Variants in ADGRB3 observed in about 807,000 individuals in gnomAD.
ADGRB3 encodes adhesion G protein-coupled receptor B3, also known as brain-specific angiogenesis inhibitor 3.
Under a neutral mutation model 193.4 loss-of-function variants are expected in ADGRB3, and 37 were observed. The ratio of observed to expected loss-of-function variants is 0.19; its 90% CI spans 0.15 to 0.25. ADGRB3 has a LOEUF of 0.25. Ranked by LOEUF, ADGRB3 falls within the 10% of genes least tolerant of loss-of-function variation. The pLI is 1.00. For missense variants in ADGRB3, 1,637 were observed against 1,852.9 expected (o/e 0.88, Z 2.14); for synonymous variants, 690 against 644.2 (o/e 1.07, Z -1.08).
chr6:68,861,273 T>A (rs1765143937), intron 3 of ADGRB3, among the ~76,000 whole-genome samples: 1 of 152,176 alleles, frequency 6.6e-6, no homozygotes, highest in African/African-American at 2.4e-5. Context: ...ATTTACCATC[T>A]GTCTAATTAA....
Position 69,355,845 on chromosome 6 carries a change from A to G in ADGRB3, c.3580A>G (p.Ile1194Val), listed in dbSNP as rs1398565017. 6.2e-7 allele frequency: 1 copy of G among 1,607,884 alleles called. No individual in the cohort carries two copies. The highest frequency in any genetic ancestry group is 8.5e-7 in the Non-Finnish European group (1 of 1,174,894). The change falls in exon 28 of 32, where the codon ATT becomes GTT. Residue 1194 changes from isoleucine to valine, a missense_variant. By Grantham distance (29) the Ile-to-Val change is conservative (BLOSUM62 3). Coordinates refer to ENST00000370598, the MANE Select transcript of ADGRB3 (RefSeq NM_001704.3). ...GACAGACTTTGAAAAGGATGTAGAC[A>G]TTGCCTGTCGATCAGGTAAGAATAT... ...IMTDFEKDVD[I>V]ACRSVLHKDI...
intron 6 of ADGRB3, among the ~76,000 whole-genome samples, chr6:68,951,011 C>A (rs1767902189): frequency 6.6e-6 from 1 of 152,178 alleles, no homozygotes; most frequent in African/African-American, 2.4e-5. Flanking sequence ...CTGAACCCAT[C>A]TCTTTCCACC....
chr6:69,337,011 G>A (rs1482824685), intron 24 of ADGRB3, among the ~76,000 whole-genome samples: 1 of 152,126 alleles, frequency 6.6e-6, no homozygotes, highest in Non-Finnish European at 1.5e-5. Context: ...AGGTCTTCTA[G>A]TTAGACTCAA....
At chr6:68,647,128 C>A (rs1768234709) in intron 3 of ADGRB3, among the ~76,000 whole-genome samples, 1 of 152,070 alleles carries the variant, frequency 6.6e-6, no homozygotes, top group African/African-American at 2.4e-5. Context: ...AGAATGAGAC[C>A]TGCATACATT....
At chr6:69,172,843 G>C (rs1292603545) in intron 17 of ADGRB3, among the ~76,000 whole-genome samples, 1 of 151,846 alleles carries the variant, frequency 6.6e-6, no homozygotes, top group Non-Finnish European at 1.5e-5. Flanking sequence ...AGGAAGATTT[G>C]ATCCAGGCAC....
At chr6:69,344,388 C>T (rs953586613) in intron 26 of ADGRB3, among the ~76,000 whole-genome samples, 4 of 152,160 alleles carry the variant, frequency 2.6e-5, no homozygotes, top group African/African-American at 9.7e-5. Context: ...TCTTCCCTCT[C>T]CCACTCGCAC....
intron 3 of ADGRB3, among the ~76,000 whole-genome samples, chr6:68,871,916 T>C (rs1765470792): frequency 6.6e-6 from 1 of 152,138 alleles, no homozygotes; most frequent in Non-Finnish European, 1.5e-5. Context: ...TGGAGTTAAG[T>C]CTATTCTTTC....
intron 20 of ADGRB3, among the ~76,000 whole-genome samples, chr6:69,287,165 G>A (rs1767570098): frequency 1.3e-5 from 2 of 152,180 alleles, no homozygotes; most frequent in Admixed American, 1.3e-4. Context: ...TGTGGTGTAT[G>A]TGTTTTTTAT....
chr6:69,056,129 C>T (rs1771539864), intron 15 of ADGRB3, among the ~76,000 whole-genome samples: 1 of 152,082 alleles, frequency 6.6e-6, no homozygotes, highest in Non-Finnish European at 1.5e-5. Flanking sequence ...CCCGCCCAGC[C>T]TGTCTTTTGT....
intron 6 of ADGRB3, among the ~76,000 whole-genome samples, chr6:68,948,203 C>A (rs1167124467): frequency 6.6e-6 from 1 of 152,068 alleles, no homozygotes; most frequent in African/African-American, 2.4e-5. Flanking sequence ...TGCACTGTGA[C>A]CTTGTTTTTG....
chr6:69,195,935 A>G (rs971213652), intron 17 of ADGRB3, among the ~76,000 whole-genome samples: 13 of 152,156 alleles, frequency 8.5e-5, no homozygotes, highest in Non-Finnish European at 1.6e-4. Context: ...TTTAAAGAAA[A>G]AATGAATAGT....
intron 3 of ADGRB3, among the ~76,000 whole-genome samples, chr6:68,891,742 C>T (rs933869318): frequency 6.6e-5 from 10 of 152,064 alleles, no homozygotes; most frequent in Admixed American, 4.6e-4. Context: ...TCAACTGGCT[C>T]CTGAAAAGCT....
chr6:68,873,765 G>A (rs750568038), intron 3 of ADGRB3, among the ~76,000 whole-genome samples: 127 of 152,158 alleles, frequency 8.3e-4, no homozygotes, highest in Non-Finnish European at 1.6e-3. Context: ...TGGGGTGAGG[G>A]ATTAAGAAGG....
chr6:68,721,529 G>T (rs934521634), intron 3 of ADGRB3, among the ~76,000 whole-genome samples: 7 of 151,418 alleles, frequency 4.6e-5, no homozygotes, highest in African/African-American at 1.2e-4. Flanking sequence ...TAATGTAAAT[G>T]ACGAGTTAAT....
At chr6:69,278,380 A>G (rs1767347935) in intron 20 of ADGRB3, among the ~76,000 whole-genome samples, 1 of 152,236 alleles carries the variant, frequency 6.6e-6, no homozygotes, top group African/African-American at 2.4e-5. Flanking sequence ...GTGAGCCCTG[A>G]TAACTCCTTA....
intron 3 of ADGRB3, among the ~76,000 whole-genome samples, chr6:68,892,784 A>G (rs1323997282): frequency 6.6e-6 from 1 of 152,184 alleles, no homozygotes; most frequent in Admixed American, 6.6e-5. Flanking sequence ...ACTTATATAG[A>G]CAAATTGGCA....
rs529538181 is a variant in ADGRB3 at position 68,707,102 on chromosome 6, C to T, written c.757+67670C>T. Among the ~76,000 whole-genome samples, 3 of 111,230 alleles carry T rather than the reference C, an allele frequency of 2.7e-5. No homozygotes were observed. The South Asian group carries it at 9.3e-4, about 34-fold the overall frequency. 73.0% of individuals were successfully genotyped at this position (111,230 alleles called of 152,430 possible). A position where few individuals can be genotyped will look rare whatever the true frequency, so the allele number is the denominator to read the frequency against. On this transcript the variant is annotated intron_variant, in intron 3 of 31. Transcript: ENST00000370598. The stretch of plus-strand genomic sequence containing the variant: ...CTCCAGCCTGGGCAACAGAGCCAGA[C>T]TCCATCTCAAAAAAAAAAAAAAAAA...
chr6:68,640,352 C>A (rs192210955), intron 3 of ADGRB3, among the ~76,000 whole-genome samples: 64 of 152,324 alleles, frequency 4.2e-4, no homozygotes, highest in Non-Finnish European at 1.6e-4. Context: ...ACCCAATCCC[C>A]AGTGGGGGAG....
At chr6:69,317,640 C>G (rs1768346799) in intron 20 of ADGRB3, among the ~76,000 whole-genome samples, 2 of 151,426 alleles carry the variant, frequency 1.3e-5, no homozygotes, top group South Asian at 4.1e-4. Context: ...ATTACCCACG[C>G]CCTGCCCTGC....
Sources: gnomAD v4.1 joint callset for allele counts (sites outside exome capture counted in the v4.1 genomes callset) on GRCh38, gnomAD v4.1.1 for gene constraint, MANE v1.5 for transcripts, NCBI Gene and HGNC (gene_info 2026-07-23, HGNC 2026-07-21) for gene names.